Variants in PCDH15 observed in about 807,000 individuals in gnomAD.
The protein encoded by PCDH15 is protocadherin related 15.
Under a neutral mutation model 178.5 loss-of-function variants are expected in PCDH15, and 129 were observed. The observed-to-expected ratio is 0.72, with a 90% CI of 0.63 to 0.84. PCDH15 has a LOEUF of 0.84. Ranked by LOEUF, PCDH15 falls within the 40% of genes least tolerant of loss-of-function variation. PCDH15 has a pLI of 0.00. For missense variants in PCDH15, 2,230 were observed against 2,099.9 expected (o/e 1.06, Z -1.21); for synonymous variants, 800 against 732.0 (o/e 1.09, Z -1.50).
In PCDH15 at chr10:54,823,804, CA is replaced by C. The variant is rs555037144; in HGVS notation, c.-29+73645del. ...AAAATAATGGAAATTGTTTATGACT[CA>C]AAAAAAAGACTAAAAATAATTGTTC... On this transcript the variant is annotated intron_variant, in intron 3 of 5. Coordinates refer to the PCDH15 transcript ENST00000458638. 9.5e-4 allele frequency among the ~76,000 whole-genome samples: 143 copies of C among 151,312 alleles called. 1 individual carries two copies. Among genetic ancestry groups the C allele is most frequent in the Admixed American group, 2.8e-3 (43 of 15,162 alleles).
chr10:54,179,946 G>A (rs111867328), intron 13 of PCDH15, among the ~76,000 whole-genome samples: 226 of 152,304 alleles, frequency 1.5e-3, no homozygotes, highest in African/African-American at 4.7e-3. Flanking sequence ...TGTATAGGGA[G>A]TAATTGTCTT....
chr10:54,422,318 T>C (rs1955629677), intron 3 of PCDH15, among the ~76,000 whole-genome samples: 1 of 152,090 alleles, frequency 6.6e-6, no homozygotes, highest in South Asian at 2.1e-4. Context: ...TCCTCATCTG[T>C]AAAATGGAAT....
chr10:54,500,488 T>C lies in PCDH15; in HGVS notation c.157+27324A>G, dbSNP rs372112309. On this transcript the variant is annotated intron_variant, in intron 3 of 37. Transcript: ENST00000644397. ...CAAAAACATATTAACCCCCAAATGATTTACTGTCACTTAGGAGAGGACAGG... is the reference window on the plus strand; with the variant it reads ...CAAAAACATATTAACCCCCAAATGACTTACTGTCACTTAGGAGAGGACAGG... 1.2e-4 allele frequency among the ~76,000 whole-genome samples: 19 copies of C among 152,152 alleles called. 1 individual carries two copies. The South Asian group carries it at 3.7e-3, about 30-fold the overall frequency.
chr10:54,368,986 T>G, intron 5 of PCDH15, 134 bp downstream of exon 5: 1 of 994,370 alleles, frequency 1.0e-6, no homozygotes, highest in Admixed American at 2.2e-5. Context: ...TGAGTACTAT[T>G]TTTTTAATGT....
intron 3 of PCDH15, among the ~76,000 whole-genome samples, chr10:54,405,031 G>A (rs1370960838): frequency 6.6e-6 from 1 of 152,058 alleles, no homozygotes; most frequent in Non-Finnish European, 1.5e-5. Flanking sequence ...CAGAAAAAAA[G>A]CAATGCTTAT....
intron 1 of PCDH15, among the ~76,000 whole-genome samples, chr10:55,301,705 A>T (rs1411275477): frequency 6.6e-6 from 1 of 152,138 alleles, no homozygotes; most frequent in Non-Finnish European, 1.5e-5. Flanking sequence ...CTAAGTTTTT[A>T]TTCTAAAAGT....
intron 8 of PCDH15, among the ~76,000 whole-genome samples, chr10:54,274,083 T>G (rs10825294): frequency 0.77 from 117,531 of 151,892 alleles, 46,104 homozygotes; most frequent in Middle Eastern, 0.88. Context: ...GGAGCTAAAT[T>G]ATGAGAACAC....
Position 55,047,065 on chromosome 10 carries a change from C to T in PCDH15, c.-80+119511G>A, listed in dbSNP as rs1841026477. ...ACAGTCTCATGCTTCAGTTGAATAT[C>T]TAAGATTAATTGAAATTGTTTAGAA... On this transcript the variant is annotated intron_variant, in intron 2 of 5. Coordinates refer to the PCDH15 transcript ENST00000458638. 2.0e-5 allele frequency among the ~76,000 whole-genome samples: 3 copies of T among 151,462 alleles called. No individual in the cohort carries two copies. The Admixed American group carries it at 2.0e-4, about 10-fold the overall frequency.
intron 1 of PCDH15, among the ~76,000 whole-genome samples, chr10:54,757,240 C>G (rs1224025427): frequency 6.9e-6 from 1 of 145,482 alleles, no homozygotes; most frequent in African/African-American, 2.5e-5. Flanking sequence ...AAATTTCTGT[C>G]TATATCACCT....
chr10:54,471,064 C>T (rs2077885127), intron 3 of PCDH15, among the ~76,000 whole-genome samples: 1 of 152,098 alleles, frequency 6.6e-6, no homozygotes, highest in South Asian at 2.1e-4. Flanking sequence ...AGAAGTCTTA[C>T]TGATAATATA....
At chr10:55,621,514 C>CA (rs1837387419) in intron 2 of PCDH15, among the ~76,000 whole-genome samples, 1 of 152,166 alleles carries the variant, frequency 6.6e-6, no homozygotes, top group Admixed American at 6.5e-5. Context: ...GTGGCATTAC[C>CA]ACCTGAGCTC....
chr10:54,108,970 C>T (rs2094964873), intron 15 of PCDH15, among the ~76,000 whole-genome samples: 1 of 152,032 alleles, frequency 6.6e-6, no homozygotes, highest in Admixed American at 6.6e-5. Flanking sequence ...AACAAACAAA[C>T]AAATAAACAA....
At chr10:54,617,109 C>G (rs1310609422) in intron 2 of PCDH15, among the ~76,000 whole-genome samples, 1 of 151,236 alleles carries the variant, frequency 6.6e-6, no homozygotes, top group Non-Finnish European at 1.5e-5. Flanking sequence ...GTTGGCCAGC[C>G]TGTCTCGAAC....
At chr10:54,894,759 G>T (rs1954519098) in intron 3 of PCDH15, among the ~76,000 whole-genome samples, 1 of 152,096 alleles carries the variant, frequency 6.6e-6, no homozygotes, top group Non-Finnish European at 1.5e-5. Flanking sequence ...AGAAGAGAGA[G>T]AATTAGCCAA....
At chr10:54,748,351 C>T (rs1261936139) in intron 1 of PCDH15, among the ~76,000 whole-genome samples, 2 of 152,116 alleles carry the variant, frequency 1.3e-5, no homozygotes, top group Non-Finnish European at 2.9e-5. Context: ...CTGGTCATCA[C>T]CCCTTATCCC....
chr10:55,015,848 C>T (rs1284853292), intron 2 of PCDH15, among the ~76,000 whole-genome samples: 5 of 151,990 alleles, frequency 3.3e-5, no homozygotes, highest in Non-Finnish European at 7.4e-5. Flanking sequence ...CACACTGCAA[C>T]CCCTCTTCAT....
chr10:55,182,741 C>T (rs1412405732), intron 1 of PCDH15, among the ~76,000 whole-genome samples: 2 of 151,838 alleles, frequency 1.3e-5, no homozygotes, highest in East Asian at 3.9e-4. Context: ...GGAAAGAAAA[C>T]AGGAGGAAAA....
intron 1 of PCDH15, among the ~76,000 whole-genome samples, chr10:55,297,959 C>A (rs1843175128): frequency 6.6e-6 from 1 of 152,014 alleles, no homozygotes; most frequent in African/African-American, 2.4e-5. Flanking sequence ...GTAAAGCCCT[C>A]CACAATACTA....
At chr10:55,175,110 T>C (rs7097241) in intron 1 of PCDH15, among the ~76,000 whole-genome samples, 72,005 of 151,908 alleles carry the variant, frequency 0.47, 17,328 homozygotes, top group East Asian at 0.67. Flanking sequence ...AGCAGTACCA[T>C]TGGAGGACCC....
Sources: gnomAD v4.1 joint callset for allele counts (sites outside exome capture counted in the v4.1 genomes callset) on GRCh38, gnomAD v4.1.1 for gene constraint, MANE v1.5 for transcripts, NCBI Gene and HGNC (gene_info 2026-07-23, HGNC 2026-07-21) for gene names.